NCR2: variants seen among roughly 807,000 people sequenced by gnomAD.
NCR2 encodes NK cell activating receptor (NKp44).
A neutral mutation model predicts 30.7 loss-of-function variants in NCR2; 35 were observed. The observed-to-expected ratio is 1.14, with a 90% confidence interval of 0.87 to 1.51. NCR2 has a LOEUF of 1.51. Among genes scored for constraint, NCR2 ranks in the 40% most tolerant of loss-of-function variants. The pLI is 0.00. For synonymous variants in NCR2, 146 were observed against 134.8 expected (o/e 1.08, Z -0.58); for missense variants, 316 against 328.9 (o/e 0.96, Z 0.30).
chr6:41,343,257 T>C (rs1374331690), intron 4 of NCR2, among the ~76,000 whole-genome samples: 1 of 152,234 alleles, frequency 6.6e-6, no homozygotes, highest in Non-Finnish European at 1.5e-5. Context: ...CTACCAAACC[T>C]GAGTCACTGA....
chr6:41,335,765 A>G lies in NCR2; in HGVS notation c.-112A>G. The G allele has an allele frequency of 3.1e-5, 39 of 1,253,174 alleles. No homozygotes were observed. Among genetic ancestry groups the G allele is most frequent in the Non-Finnish European group, 4.5e-5 (39 of 875,822 alleles). The allele number at this position is 1,253,174 out of a possible 1,614,324, so 77.6% of individuals were successfully genotyped here. ...CCCAACCCAGGCCTCAGCCTGTCTC[A>G]TTTTTCTATCAGACGTGCTGGAAGA... On this transcript the variant is annotated 5_prime_UTR_variant, in exon 1 of 5. Coordinates refer to ENST00000373089, the MANE Select transcript of NCR2 (RefSeq NM_004828.4).
Position 41,350,857 on chromosome 6 carries a change from CTT to C in NCR2, c.826_827del (p.Leu276ValfsTer7). On this transcript the variant is annotated frameshift_variant, in exon 5 of 5. Coordinates refer to ENST00000373089, the MANE Select transcript of NCR2 (RefSeq NM_004828.4). LOFTEE classifies it high-confidence loss of function. ...ATAAGCGATGATGATGATGAACACACTTTGTGAATAATAAAATTATCTGAATG... is the reference window on the plus strand; with the variant it reads ...ATAAGCGATGATGATGATGAACACACTGTGAATAATAAAATTATCTGAATG... The C allele has an allele frequency of 1.2e-6, 1 of 835,504 alleles. No homozygotes were observed. Among genetic ancestry groups the C allele is most frequent in the Non-Finnish European group, 2.1e-6 (1 of 481,582 alleles). 51.8% of individuals were successfully genotyped at this position (835,504 alleles called of 1,614,324 possible). A position where few individuals can be genotyped will look rare whatever the true frequency, so the allele number is the denominator to read the frequency against.
rs1769174908 is a variant in NCR2 at position 41,341,791 on chromosome 6, CA to C, written c.395-2del. 1.2e-6 allele frequency: 2 copies of C among 1,607,726 alleles called. No homozygotes were observed. The highest frequency in any genetic ancestry group is 1.7e-6 in the Non-Finnish European group (2 of 1,177,538). On this transcript the variant is annotated splice_acceptor_variant, in intron 2 of 4. Coordinates refer to ENST00000373089, the MANE Select transcript of NCR2 (RefSeq NM_004828.4). LOFTEE classifies it high-confidence loss of function. ...TAACCACGCTCTTTCTCCTCCCTGG[CA>C]GCCTCTGCCTCCACACAGACCTCCT...
intron 2 of NCR2, among the ~76,000 whole-genome samples, chr6:41,337,171 AT>A (rs1332624467): frequency 2.0e-5 from 3 of 152,080 alleles, no homozygotes; most frequent in Non-Finnish European, 2.9e-5. Flanking sequence ...CACATGAGTA[AT>A]TTTTTTTGTA....
intron 4 of NCR2, chr6:41,342,909 C>T: frequency 6.5e-7 from 1 of 1,549,180 alleles, no homozygotes; most frequent in South Asian, 1.2e-5. Flanking sequence ...TTTCTCCCCT[C>T]ATCTCAAGGG....
intron 2 of NCR2, among the ~76,000 whole-genome samples, chr6:41,341,366 G>A (rs922817756): frequency 6.6e-6 from 1 of 152,142 alleles, no homozygotes; most frequent in Non-Finnish European, 1.5e-5. Context: ...AGAACTGGGA[G>A]GGGCAGGGAT....
chr6:41,336,139 G>A lies in NCR2; in HGVS notation c.105G>A (p.Thr35=), dbSNP rs201522161. ...TACTTCAAAGTGTGGCAGGGCAGACGCTAACCGTGAGATGCCAGTACCCGC... is the reference window on the plus strand; with the variant it reads ...TACTTCAAAGTGTGGCAGGGCAGACACTAACCGTGAGATGCCAGTACCCGC... ...AQVLQSVAGQ[T]LTVRCQYPPT... is the part of the protein sequence containing the mutation. The change falls in exon 2 of 5, where the codon ACG becomes ACA. Residue 35 remains threonine (T), a synonymous_variant. Transcript: ENST00000373089. The A allele has an allele frequency of 1.2e-5, 19 of 1,614,088 alleles. No individual in the cohort carries two copies. The highest frequency in any genetic ancestry group is 1.6e-4 in the Middle Eastern group (1 of 6,062).
chr6:41,349,368 T>C (rs1225890355), intron 4 of NCR2, among the ~76,000 whole-genome samples: 7 of 152,108 alleles, frequency 4.6e-5, no homozygotes, highest in Admixed American at 1.3e-4. Flanking sequence ...TCCTGAGTGA[T>C]AGGAGTGTCT....
chr6:41,340,656 C>T (rs765075075), intron 2 of NCR2, among the ~76,000 whole-genome samples: 17 of 152,128 alleles, frequency 1.1e-4, no homozygotes, highest in Non-Finnish European at 2.2e-4. Flanking sequence ...TTGATATAAA[C>T]GTTTTGAAAC....
At chr6:41,339,533 C>T (rs754911232) in intron 2 of NCR2, among the ~76,000 whole-genome samples, 18 of 151,874 alleles carry the variant, frequency 1.2e-4, no homozygotes, top group South Asian at 2.1e-4. Flanking sequence ...TACAGGTGCC[C>T]GCCACCATGC....
At chr6:41,336,534 A>C in intron 2 of NCR2, 106 bp downstream of exon 2, 1 of 908,296 alleles carries the variant, frequency 1.1e-6, no homozygotes, top group South Asian at 1.6e-5. Flanking sequence ...CCCACGCCCC[A>C]GTCTCCTGGG....
At chr6:41,344,681 G>A (rs6916897) in intron 4 of NCR2, among the ~76,000 whole-genome samples, 101,503 of 152,082 alleles carry the variant, frequency 0.67, 34,639 homozygotes, top group East Asian at 0.86. Flanking sequence ...TTTAACTTTT[G>A]AACTTTTCCG....
chr6:41,344,149 C>T (rs1769245178), intron 4 of NCR2, among the ~76,000 whole-genome samples: 2 of 152,128 alleles, frequency 1.3e-5, no homozygotes, highest in South Asian at 4.2e-4. Context: ...CCAACAATAC[C>T]TCTGTGCATT....
intron 2 of NCR2, 88 bp from the exon 3 acceptor site, chr6:41,341,706 T>A (rs1342808742): frequency 1.5e-5 from 22 of 1,479,750 alleles, no homozygotes; most frequent in Non-Finnish European, 2.0e-5. Flanking sequence ...GTTCCCAGTC[T>A]GGTCCAACTC....
At chr6:41,338,099 GA>G (rs1452691354) in intron 2 of NCR2, among the ~76,000 whole-genome samples, 2 of 152,142 alleles carry the variant, frequency 1.3e-5, no homozygotes, top group Non-Finnish European at 2.9e-5. Flanking sequence ...ACTTGCCATT[GA>G]AAAACATGTC....
At chr6:41,335,976 G>C in intron 1 of NCR2, 48 bp downstream of exon 1, 1 of 1,577,130 alleles carries the variant, frequency 6.3e-7, no homozygotes, top group East Asian at 2.3e-5. Flanking sequence ...GGTGTGGTGG[G>C]GACTGTCAGG....
At position 41,336,280 on chromosome 6, in the gene NCR2, A is replaced by T; in HGVS notation, c.246A>T (p.Thr82=). 1.2e-6 allele frequency: 2 copies of T among 1,614,142 alleles called. No individual in the cohort carries two copies. The highest frequency in any genetic ancestry group is 1.7e-6 in the Non-Finnish European group (2 of 1,180,026). The part of the protein sequence containing the change: ...PRTMAWTSRF[T]IWDDPDAGFF... Reference sequence around the variant, plus strand: ...CGATGGCTTGGACCTCTCGATTCACAATCTGGGACGACCCTGATGCTGGCT... The same window carrying T: ...CGATGGCTTGGACCTCTCGATTCACTATCTGGGACGACCCTGATGCTGGCT... Residue 82 remains threonine, a synonymous_variant, in exon 2 of 5, where the codon ACA becomes ACT. Transcript: ENST00000373089.
At chr6:41,349,589 G>C (rs971347299) in intron 4 of NCR2, among the ~76,000 whole-genome samples, 1 of 152,182 alleles carries the variant, frequency 6.6e-6, no homozygotes, top group Non-Finnish European at 1.5e-5. Context: ...TGAAGTCTCT[G>C]TAAAAATCAC....
chr6:41,349,715 A>G (rs1299562852), intron 4 of NCR2, among the ~76,000 whole-genome samples: 1 of 152,152 alleles, frequency 6.6e-6, no homozygotes, highest in Non-Finnish European at 1.5e-5. Flanking sequence ...TCCATACCTG[A>G]AAACAATTTG....
Sources: allele counts gnomAD v4.1 joint callset (sites outside exome capture counted in the v4.1 genomes callset), GRCh38; gene constraint gnomAD v4.1.1; transcripts MANE v1.5; gene names NCBI Gene and HGNC (gene_info 2026-07-23, HGNC 2026-07-21).